The following LIPC variants were observed in gnomAD, a reference collection of about 807,000 sequenced individuals.
LIPC encodes hepatic triacylglycerol lipase.
A neutral mutation model predicts 50.7 loss-of-function variants in LIPC; 44 were observed. The ratio of observed to expected loss-of-function variants is 0.87; its 90% CI spans 0.68 to 1.11. LIPC has a LOEUF of 1.11. Ranked by LOEUF, LIPC falls within the 50% of genes most tolerant of loss-of-function variation. The pLI is 0.00. For synonymous variants in LIPC, 271 were observed against 256.4 expected (o/e 1.06, Z -0.54); for missense variants, 697 against 648.2 (o/e 1.08, Z -0.82).
At chr15:58,492,843 A>C (rs1891631068) in intron 1 of LIPC, among the ~76,000 whole-genome samples, 1 of 152,212 alleles carries the variant, frequency 6.6e-6, no homozygotes, top group Non-Finnish European at 1.5e-5. Flanking sequence ...GACATCATTC[A>C]CAGAGCCTTT....
chr15:58,556,003 G>C (rs1467868020), intron 6 of LIPC, among the ~76,000 whole-genome samples: 1 of 152,232 alleles, frequency 6.6e-6, no homozygotes, highest in East Asian at 1.9e-4. Flanking sequence ...CCATCCTGGG[G>C]CTCAGAGCTG....
chr15:58,433,789 C>T (rs1893199383), intron 1 of LIPC, among the ~76,000 whole-genome samples: 1 of 152,204 alleles, frequency 6.6e-6, no homozygotes, highest in Admixed American at 6.5e-5. Context: ...TGTGCAAATG[C>T]TGAGAGAAGT....
chr15:58,538,424 G>T lies in LIPC; in HGVS notation c.180G>T (p.Gln60His), dbSNP rs754538725. 6.2e-7 allele frequency: 1 copy of T among 1,614,182 alleles called. No homozygotes were observed. The highest frequency in any genetic ancestry group is 1.1e-5 in the South Asian group (1 of 91,076). Residue 60 changes from glutamine (Q) to histidine (H), a missense_variant, in exon 2 of 9, where the codon CAG (glutamine) becomes CAT (histidine). By Grantham distance (24) the Gln-to-His change is conservative. Transcript: ENST00000299022. ...TRFLLFGETN[Q>H]GCQIRINHPD... ...TCCTGCTCTTTGGAGAAACCAATCA[G>T]GGCTGTCAGATTCGAATCAATCATC...
At position 58,511,476 on chromosome 15, in the gene LIPC, G is replaced by A. The variant is rs7181161; in HGVS notation, c.89-26857G>A. ...TCCAGGGATGGCATCAGATGCTGCA[G>A]GAACATGAATGATAAATACCACATC... On this transcript the variant is annotated intron_variant, in intron 1 of 8. Coordinates refer to ENST00000299022, the MANE Select transcript of LIPC (RefSeq NM_000236.3). Among the ~76,000 whole-genome samples the A allele has an allele frequency of 3.9e-3, 589 of 152,310 alleles. 2 individuals carry two copies. Among genetic ancestry groups the A allele is most frequent in the African/African-American group, 0.014 (571 of 41,542 alleles).
intron 2 of LIPC, among the ~76,000 whole-genome samples, chr15:58,540,699 T>G (rs1893290100): frequency 6.6e-6 from 1 of 152,160 alleles, no homozygotes; most frequent in Non-Finnish European, 1.5e-5. Flanking sequence ...CATACCACAC[T>G]GCCCTTTCAT....
chr15:58,454,072 C>T (rs573889161), intron 1 of LIPC, among the ~76,000 whole-genome samples: 20 of 152,228 alleles, frequency 1.3e-4, no homozygotes, highest in African/African-American at 4.8e-4. Flanking sequence ...GTGACAAGCC[C>T]AAGGTCACAC....
intron 1 of LIPC, chr15:58,432,343 C>T (rs1392339146): frequency 6.9e-6 from 4 of 582,306 alleles, no homozygotes; most frequent in African/African-American, 3.7e-5. Flanking sequence ...TCTAAGAGTG[C>T]CTGCAGCTAG....
At chr15:58,501,115 T>C (rs1891970329) in intron 1 of LIPC, among the ~76,000 whole-genome samples, 1 of 152,102 alleles carries the variant, frequency 6.6e-6, no homozygotes, top group Admixed American at 6.5e-5. Flanking sequence ...CTCTGGGTCC[T>C]GCTGACTCCA....
chr15:58,457,801 T>A (rs1367428177), intron 1 of LIPC, among the ~76,000 whole-genome samples: 3 of 152,226 alleles, frequency 2.0e-5, no homozygotes, highest in African/African-American at 7.2e-5. Context: ...GATTTCCATC[T>A]TGTACATAAA....
intron 1 of LIPC, among the ~76,000 whole-genome samples, chr15:58,490,468 T>G (rs1379745951): frequency 2.0e-5 from 3 of 152,216 alleles, no homozygotes; most frequent in African/African-American, 2.4e-5. Context: ...CATTTGGCCC[T>G]GCTGCTCCAC....
At position 58,507,842 on chromosome 15, in the gene LIPC, T is replaced by C. The variant is rs192782054; in HGVS notation, c.89-30491T>C. 1.6e-4 allele frequency among the ~76,000 whole-genome samples: 25 copies of C among 152,206 alleles called. No individual in the cohort carries two copies. The East Asian group carries it at 2.7e-3, about 16-fold the overall frequency. ...ACAATTACCCATTAACCCTTCTTCA[T>C]AGGGGAAGGGGAGATGGGGGAAATG... On this transcript the variant is annotated intron_variant, in intron 1 of 8. Coordinates refer to ENST00000299022, the MANE Select transcript of LIPC (RefSeq NM_000236.3).
At chr15:58,550,100 G>A (rs1310114522) in intron 6 of LIPC, among the ~76,000 whole-genome samples, 2 of 152,174 alleles carry the variant, frequency 1.3e-5, no homozygotes, top group African/African-American at 4.8e-5. Context: ...TATTTGTCCA[G>A]AGACAAAAAG....
At chr15:58,539,272 T>A (rs965852430) in intron 2 of LIPC, among the ~76,000 whole-genome samples, 1 of 152,254 alleles carries the variant, frequency 6.6e-6, no homozygotes, top group Non-Finnish European at 1.5e-5. Context: ...CACAATTCAA[T>A]GGCTTTTGGT....
At chr15:58,472,451 C>G (rs1890845120) in intron 1 of LIPC, among the ~76,000 whole-genome samples, 1 of 151,706 alleles carries the variant, frequency 6.6e-6, no homozygotes, top group Non-Finnish European at 1.5e-5. Context: ...TAGCATGCGC[C>G]TGTAATCCCA....
At chr15:58,504,553 C>A (rs1892086623) in intron 1 of LIPC, among the ~76,000 whole-genome samples, 1 of 152,210 alleles carries the variant, frequency 6.6e-6, no homozygotes, top group African/African-American at 2.4e-5. Flanking sequence ...TTGAGAACTA[C>A]ACTGCTACAT....
intron 7 of LIPC, among the ~76,000 whole-genome samples, chr15:58,562,753 AAAC>A (rs1894207399): frequency 1.3e-5 from 2 of 152,068 alleles, no homozygotes; most frequent in South Asian, 4.2e-4. Flanking sequence ...GGGGATTCCT[AAAC>A]AATTCTTCAC....
At chr15:58,556,113 A>T (rs560266884) in intron 6 of LIPC, among the ~76,000 whole-genome samples, 1 of 152,354 alleles carries the variant, frequency 6.6e-6, no homozygotes, top group South Asian at 2.1e-4. Context: ...GAGGAGAAAG[A>T]TGATGTATGT....
At chr15:58,483,989 G>T (rs995542981) in intron 1 of LIPC, among the ~76,000 whole-genome samples, 2 of 152,042 alleles carry the variant, frequency 1.3e-5, no homozygotes, top group Admixed American at 6.5e-5. Context: ...CTCTTCTTGG[G>T]GACTGAGCTG....
intron 1 of LIPC, among the ~76,000 whole-genome samples, chr15:58,468,881 A>G (rs555617983): frequency 2.6e-5 from 4 of 152,216 alleles, no homozygotes; most frequent in East Asian, 3.9e-4. Context: ...TTTCCTCCCT[A>G]TGAACCTTGG....
Sources: allele counts gnomAD v4.1 joint callset (sites outside exome capture counted in the v4.1 genomes callset), GRCh38; gene constraint gnomAD v4.1.1; transcripts MANE v1.5; gene names NCBI Gene and HGNC (gene_info 2026-07-23, HGNC 2026-07-21).